The following RPL6 variants were observed in gnomAD, a reference collection of about 807,000 sequenced individuals.
RPL6 encodes large ribosomal subunit protein eL6.
Under a neutral mutation model 32.1 loss-of-function variants are expected in RPL6, and 1 was observed. The observed-to-expected ratio is 0.03, with a 90% CI of 0.01 to 0.15. RPL6 has a LOEUF of 0.15. Among genes scored for constraint, RPL6 ranks in the 10% least tolerant of loss-of-function variants. The pLI is 1.00. For missense variants in RPL6, 275 were observed against 354.6 expected (o/e 0.78, Z 1.80); for synonymous variants, 126 against 131.6 (o/e 0.96, Z 0.29).
At chr12:112,407,099 T>G in intron 3 of RPL6, 1 of 506,872 alleles carries the variant, frequency 2.0e-6, no homozygotes, top group Non-Finnish European at 3.5e-6. Flanking sequence ...CACCATTTAA[T>G]GAATGAGATG....
intron 4 of RPL6, 171 bp from the exon 5 acceptor site, chr12:112,406,513 T>TA (rs2135795322): frequency 1.3e-6 from 1 of 790,876 alleles, no homozygotes; most frequent in Non-Finnish European, 2.0e-6. Flanking sequence ...ACTCCAGACA[T>TA]AAACACGTTT....
rs190878762 is a variant in RPL6 at position 112,405,445 on chromosome 12, G to A, written c.715-69C>T. The A allele has an allele frequency of 6.3e-5, 92 of 1,464,960 alleles. 1 individual carries two copies. The highest frequency in any genetic ancestry group is 2.8e-6 in the Non-Finnish European group (3 of 1,064,784). The allele number at this position is 1,464,960 out of a possible 1,614,324, so 90.7% of individuals were successfully genotyped here. On this transcript the variant is annotated intron_variant, in intron 6 of 6. Coordinates refer to ENST00000202773, the MANE Select transcript of RPL6 (RefSeq NM_000970.6). ...AAATTACTTGTAGGTCAACTAAGGA[G>A]TCCTGTCTCACAAGTACTAATCCCC...
At chr12:112,413,726 T>G (rs2135809884), upstream of RPL6, among the ~76,000 whole-genome samples, 1 of 151,750 alleles carries the variant, frequency 6.6e-6, no homozygotes, top group East Asian at 1.9e-4. Flanking sequence ...ACTCCAGGCA[T>G]ATAAAGATGG....
rs2037461459 is a variant in RPL6 at position 112,418,748 on chromosome 12, G to GA, written c.-250dup. The GA allele has an allele frequency of 1.1e-5, 4 of 375,482 alleles. No individual in the cohort carries two copies. In the East Asian group the frequency reaches 2.0e-4, roughly 19 times the overall value. The allele number at this position is 375,482 out of a possible 1,614,324, so 23.3% of individuals were successfully genotyped here. A position where few individuals can be genotyped will look rare whatever the true frequency, so the allele number is the denominator to read the frequency against. ...CACACCTGGCGGCCGCGGTTTCCAG[G>GA]AGGAAGCAAGGATGCTTTGGACACT... On this transcript the variant is annotated 5_prime_UTR_variant, in exon 1 of 6. Transcript: ENST00000551291.
upstream of RPL6, among the ~76,000 whole-genome samples, chr12:112,415,291 T>C (rs534678890): frequency 4.6e-5 from 7 of 152,280 alleles, no homozygotes; most frequent in South Asian, 1.5e-3. Context: ...AAAAAAACTC[T>C]GGTGCATTGG....
intron 3 of RPL6, chr12:112,407,746 CATCTT>C (rs1454046887): frequency 1.3e-5 from 2 of 159,322 alleles, no homozygotes; most frequent in Admixed American, 6.1e-5. Flanking sequence ...CCCTCATTCC[CATCTT>C]ATCTTTTTTT....
chr12:112,409,379 C>G (rs866487631), intron 1 of RPL6: 2 of 397,708 alleles, frequency 5.0e-6, no homozygotes, highest in Middle Eastern at 1.3e-3. Context: ...TGGCGAAGAA[C>G]CGGAGGGAGC....
chr12:112,408,049 A>G, intron 3 of RPL6, 191 bp downstream of exon 3: 2 of 594,264 alleles, frequency 3.4e-6, no homozygotes, highest in South Asian at 4.2e-5. Context: ...AAAGGAACAA[A>G]GCACAGACGA....
intron 3 of RPL6, 21 bp downstream of exon 3, chr12:112,408,219 T>TCTTACA: frequency 6.3e-7 from 1 of 1,581,502 alleles, no homozygotes. Flanking sequence ...GAAAATCCAA[T>TCTTACA]TTACAGTCCC....
At chr12:112,409,549 C>G (rs2037296422) in intron 1 of RPL6, 38 bp downstream of exon 1, 1 of 398,606 alleles carries the variant, frequency 2.5e-6, no homozygotes, top group South Asian at 1.3e-4. Flanking sequence ...ATTGGGAGTC[C>G]TGAACTCAAG....
At chr12:112,405,726 ACTAAGTAT>A in intron 6 of RPL6, 119 bp downstream of exon 6, 1 of 787,892 alleles carries the variant, frequency 1.3e-6, no homozygotes, top group Non-Finnish European at 2.0e-6. Flanking sequence ...AATCTGGAAT[ACTAAGTAT>A]CTCCCAGCAT....
chr12:112,412,674 C>T (rs773389322), upstream of RPL6, among the ~76,000 whole-genome samples: 1 of 152,070 alleles, frequency 6.6e-6, no homozygotes, highest in Non-Finnish European at 1.5e-5. Flanking sequence ...CAGGGTCTCA[C>T]AATGTTGCCT....
upstream of RPL6, among the ~76,000 whole-genome samples, chr12:112,415,200 A>G (rs1307198503): frequency 6.6e-6 from 1 of 152,178 alleles, no homozygotes; most frequent in African/African-American, 2.4e-5. Context: ...GGGAGCTGAA[A>G]GTCATTCAGC....
upstream of RPL6, among the ~76,000 whole-genome samples, chr12:112,414,913 C>A (rs1002570344): frequency 2.0e-5 from 3 of 150,128 alleles, no homozygotes; most frequent in Non-Finnish European, 3.0e-5. Flanking sequence ...AAAAAAAAAA[C>A]AAAACAAAAA....
upstream of RPL6, among the ~76,000 whole-genome samples, chr12:112,409,904 C>T (rs374199861): frequency 1.4e-3 from 204 of 150,706 alleles, no homozygotes; most frequent in African/African-American, 4.8e-3. Context: ...GACAGCCAGT[C>T]GAGGCGCGGA....
At chr12:112,410,073 G>A (rs1000624030), upstream of RPL6, among the ~76,000 whole-genome samples, 1 of 151,144 alleles carries the variant, frequency 6.6e-6, no homozygotes, top group Non-Finnish European at 1.5e-5. Flanking sequence ...TCCAAAGATC[G>A]TGCCACTGCG....
chr12:112,408,537 C>T lies in RPL6; in HGVS notation c.120G>A (p.Gly40=), dbSNP rs1202118787. The change falls in exon 2 of 7, where the codon GGG becomes GGA. Residue 40 remains glycine, a synonymous_variant. Coordinates refer to ENST00000202773, the MANE Select transcript of RPL6 (RefSeq NM_000970.6). ...GNLKAKKPKK[G]KPHCSRNPVL... ...CAGGGTTGCGGCTGCAATGGGGCTT[C>T]CCCTTCTTGGGCTTTTTAGCTTTGA... is the stretch of plus-strand genomic sequence containing the variant. 1.9e-6 allele frequency: 3 copies of T among 1,611,302 alleles called. No individual in the cohort carries two copies. The highest frequency in any genetic ancestry group is 8.5e-7 in the Non-Finnish European group (1 of 1,179,950).
chr12:112,411,969 T>A (rs1308629680), upstream of RPL6, among the ~76,000 whole-genome samples: 1 of 151,744 alleles, frequency 6.6e-6, no homozygotes, highest in East Asian at 1.9e-4. Flanking sequence ...AACCTCTGCC[T>A]CCTGGGTTCA....
At chr12:112,418,108 C>A (rs924690346) in intron 1 of RPL6, among the ~76,000 whole-genome samples, 1 of 149,374 alleles carries the variant, frequency 6.7e-6, no homozygotes, top group Non-Finnish European at 1.5e-5. Flanking sequence ...GACTCCCAAG[C>A]AGCTGGGACT....
Sources: gnomAD v4.1 joint callset for allele counts (sites outside exome capture counted in the v4.1 genomes callset) on GRCh38, gnomAD v4.1.1 for gene constraint, MANE v1.5 for transcripts, NCBI Gene and HGNC (gene_info 2026-07-23, HGNC 2026-07-21) for gene names.